KIR3DL3: variants seen among roughly 807,000 people sequenced by gnomAD.
KIR3DL3 encodes killer cell immunoglobulin-like receptor 3DL3.
A neutral mutation model predicts 34.9 loss-of-function variants in KIR3DL3; 27 were observed. The ratio of observed to expected loss-of-function variants is 0.77; its 90% CI spans 0.57 to 1.07. KIR3DL3 has a LOEUF of 1.07. Ranked by LOEUF, KIR3DL3 falls within the 50% of genes least tolerant of loss-of-function variation. The pLI, the probability that KIR3DL3 is intolerant of heterozygous loss-of-function variation, is 0.00. For synonymous variants in KIR3DL3, 217 were observed against 200.2 expected, an observed-to-expected ratio of 1.08 and a Z score of -0.71; for missense variants, 681 against 528.5, an observed-to-expected ratio of 1.29 and a Z score of -2.83.
chr19:54,728,564 G>A (rs2068450586), intron 4 of KIR3DL3, among the ~76,000 whole-genome samples: 1 of 151,830 alleles, frequency 6.6e-6, no homozygotes, highest in Non-Finnish European at 1.5e-5. Flanking sequence ...GTGAAATCAG[G>A]GAAATCAAAA....
At position 54,727,866 on chromosome 19, in the gene KIR3DL3, A is replaced by ATGAG; in HGVS notation, c.613_616dup (p.Leu206Ter). 8.1e-6 allele frequency: 13 copies of ATGAG among 1,613,624 alleles called. No homozygotes were observed. In the South Asian group the frequency reaches 1.4e-4, roughly 18 times the overall value. On this transcript the variant is annotated frameshift_variant, in exon 4 of 8. Coordinates refer to ENST00000291860, the MANE Select transcript of KIR3DL3 (RefSeq NM_153443.5). LOFTEE classifies it high-confidence loss of function. ...TTTGGTTCTGTCACTCACTTACCCTATGAGTTGTCGGCTCCCAGTGACCCT... is the reference window on the plus strand; with the variant it reads ...TTTGGTTCTGTCACTCACTTACCCTATGAGTGAGTTGTCGGCTCCCAGTGACCCT...
chr19:54,727,543 T>TTA, intron 3 of KIR3DL3, 68 bp from the exon 4 acceptor site: 1 of 1,477,576 alleles, frequency 6.8e-7, no homozygotes, highest in South Asian at 1.3e-5. Context: ...GAAGCCTCAC[T>TTA]TATTTCAGGT....
At chr19:54,732,978 C>T (rs3815429) in intron 5 of KIR3DL3, among the ~76,000 whole-genome samples, 10 of 151,876 alleles carry the variant, frequency 6.6e-5, no homozygotes, top group Admixed American at 4.6e-4. Flanking sequence ...TCTAGGAGAC[C>T]GTGGAAAAGG....
intron 5 of KIR3DL3, among the ~76,000 whole-genome samples, chr19:54,734,492 C>G (rs2146870844): frequency 6.6e-6 from 1 of 151,946 alleles, no homozygotes; most frequent in Middle Eastern, 3.4e-3. Flanking sequence ...CAAAAAGCAG[C>G]CCAGCCTGGG....
chr19:54,735,847 C>A lies in KIR3DL3; in HGVS notation c.1082C>A (p.Ala361Glu). 6.2e-7 allele frequency: 1 copy of A among 1,607,608 alleles called. No homozygotes were observed. The highest frequency in any genetic ancestry group is 8.5e-7 in the Non-Finnish European group (1 of 1,178,218). Residue 361 changes from alanine (A) to glutamate (E), a missense_variant, in exon 7 of 8, where the codon GCA becomes GAA. Coordinates refer to ENST00000291860, the MANE Select transcript of KIR3DL3 (RefSeq NM_153443.5). Reference protein sequence around the residue: ...KNAVVMDQEPAGNRTVNREDS... With the variant: ...KNAVVMDQEPEGNRTVNREDS... ...GCTGTTGTAATGGACCAAGAGCCTG[C>A]AGGGAACAGAACAGTGAACAGGGAG...
intron 4 of KIR3DL3, 68 bp from the exon 5 acceptor site, chr19:54,729,425 A>G: frequency 7.3e-7 from 1 of 1,366,198 alleles, no homozygotes; most frequent in Non-Finnish European, 1.0e-6. Context: ...GTGAGTTCTC[A>G]GCTCAGGTGT....
chr19:54,725,559 G>A (rs959283905), intron 2 of KIR3DL3, among the ~76,000 whole-genome samples: 64 of 152,246 alleles, frequency 4.2e-4, no homozygotes, highest in African/African-American at 1.4e-3. Flanking sequence ...TGGTGTCACC[G>A]GCAGAGGAAG....
At position 54,735,345 on chromosome 19, in the gene KIR3DL3, G is replaced by C. The variant is rs16985907; in HGVS notation, c.1042G>C (p.Ala348Pro). The change falls in exon 6 of 8, where the codon GCC (alanine) becomes CCC (proline). Residue 348 changes from alanine (A) to proline (P), a missense_variant. Ala to Pro is a conservative substitution (Grantham distance 27). Coordinates refer to ENST00000291860, the MANE Select transcript of KIR3DL3 (RefSeq NM_153443.5). ...LLFFLLHRWCANKKNAVVMDQ... is the reference protein window; with the variant it reads ...LLFFLLHRWCPNKKNAVVMDQ... ...CTTCTTTCTCCTTCATCGCTGGTGT[G>C]CCAACAAAAAGAGTAAGTCTCACGA... 60,204 of 1,355,380 alleles carry C rather than the reference G, an allele frequency of 0.044. 1,695 individuals carry two copies. The highest frequency in any genetic ancestry group is 0.11 in the African/African-American group (7,636 of 67,572). 84.0% of individuals were successfully genotyped at this position (1,355,380 alleles called of 1,614,324 possible).
chr19:54,729,886 C>A, intron 5 of KIR3DL3, 100 bp downstream of exon 5: 1 of 1,140,614 alleles, frequency 8.8e-7, no homozygotes, highest in Non-Finnish European at 1.2e-6. Context: ...GATGCCGAGA[C>A]AGAACACACA....
chr19:54,730,355 A>G (rs1248336720), intron 5 of KIR3DL3, among the ~76,000 whole-genome samples: 2 of 149,804 alleles, frequency 1.3e-5, no homozygotes, highest in African/African-American at 4.9e-5. Context: ...GGGGCTCAAG[A>G]CCACCCTGGC....
chr19:54,735,181 A>C, intron 5 of KIR3DL3, 72 bp from the exon 6 acceptor site: 1 of 1,213,730 alleles, frequency 8.2e-7, no homozygotes, highest in Non-Finnish European at 1.2e-6. Flanking sequence ...CCTGTCAATC[A>C]AGAAATGTGA....
intron 5 of KIR3DL3, among the ~76,000 whole-genome samples, chr19:54,731,268 T>G (rs1388125389): frequency 6.6e-6 from 1 of 152,010 alleles, no homozygotes; most frequent in African/African-American, 2.4e-5. Flanking sequence ...GGCCTCCCAA[T>G]GTGCTGGGAT....
At chr19:54,735,622 C>T (rs1464884034) in intron 6 of KIR3DL3, among the ~76,000 whole-genome samples, 198 bp from the exon 7 acceptor site, 7 of 128,494 alleles carry the variant, frequency 5.4e-5, no homozygotes, top group South Asian at 2.7e-4. Flanking sequence ...AAGTGGGACA[C>T]AGAATCAATA....
intron 5 of KIR3DL3, among the ~76,000 whole-genome samples, chr19:54,731,465 TC>T (rs2068781532): frequency 6.6e-6 from 1 of 151,580 alleles, no homozygotes; most frequent in African/African-American, 2.4e-5. Context: ...ACACGACACT[TC>T]CACTCACTCA....
intron 3 of KIR3DL3, among the ~76,000 whole-genome samples, chr19:54,726,803 G>T (rs2068233270): frequency 7.7e-6 from 1 of 129,408 alleles, no homozygotes; most frequent in Non-Finnish European, 1.7e-5. Context: ...GAGAAGTCAA[G>T]GGAACTGATT....
chr19:54,734,502 G>T lies in KIR3DL3; in HGVS notation c.950-751G>T, dbSNP rs539774961. On this transcript the variant is annotated intron_variant, in intron 5 of 7. Coordinates refer to ENST00000291860, the MANE Select transcript of KIR3DL3 (RefSeq NM_153443.5). ...GAAATCAAAAAGCAGCCCAGCCTGGGTTTTGTACCCTGGAGCCACAGGAAG... is the reference window on the plus strand; with the variant it reads ...GAAATCAAAAAGCAGCCCAGCCTGGTTTTTGTACCCTGGAGCCACAGGAAG... Among the ~76,000 whole-genome samples the T allele has an allele frequency of 1.3e-3, 196 of 151,972 alleles. 1 individual carries two copies. The highest frequency in any genetic ancestry group is 3.4e-3 in the Middle Eastern group (1 of 294).
intron 2 of KIR3DL3, among the ~76,000 whole-genome samples, chr19:54,725,797 G>T (rs2068093181): frequency 6.6e-6 from 1 of 152,158 alleles, no homozygotes; most frequent in African/African-American, 2.4e-5. Context: ...TGTCTACCTT[G>T]TGTTCTTTTA....
intron 4 of KIR3DL3, 78 bp from the exon 5 acceptor site, chr19:54,729,415 G>A: frequency 7.6e-7 from 1 of 1,319,240 alleles, no homozygotes; most frequent in East Asian, 2.4e-5. Context: ...GAGCAGGGGA[G>A]TGAGTTCTCA....
chr19:54,726,172 G>A lies in KIR3DL3; in HGVS notation c.190G>A (p.Asp64Asn). ...GFNEFSLSKE[D>N]GMPVPELYNR... ...TAATGAATTCAGTCTGTCCAAAGAAGACGGGATGCCTGTCCCTGAGCTCTA... is the reference window on the plus strand; with the variant it reads ...TAATGAATTCAGTCTGTCCAAAGAAAACGGGATGCCTGTCCCTGAGCTCTA... Residue 64 changes from aspartate (D) to asparagine (N), a missense_variant, in exon 3 of 8, where the codon GAC (aspartate) becomes AAC (asparagine). Asp to Asn is a conservative substitution (Grantham distance 23). Transcript: ENST00000291860. 1 of 1,613,480 alleles carries A rather than the reference G, an allele frequency of 6.2e-7. No homozygotes were observed.
Sources: gnomAD v4.1 joint callset for allele counts (sites outside exome capture counted in the v4.1 genomes callset) on GRCh38, gnomAD v4.1.1 for gene constraint, MANE v1.5 for transcripts, NCBI Gene and HGNC (gene_info 2026-07-23, HGNC 2026-07-21) for gene names.